ABLIM1: variants seen among roughly 807,000 people sequenced by gnomAD.
ABLIM1 encodes actin-binding LIM protein 1.
A neutral mutation model predicts 107.0 loss-of-function variants in ABLIM1; 40 were observed. That is an observed-to-expected ratio of 0.37 (90% CI 0.29 to 0.49). The LOEUF is 0.49. Ranked by LOEUF, ABLIM1 falls within the 20% of genes least tolerant of loss-of-function variation. ABLIM1 has a pLI of 0.97. For synonymous variants in ABLIM1, 357 were observed against 357.3 expected (o/e 1.00, Z 0.01); for missense variants, 857 against 1,008.5 (o/e 0.85, Z 2.04).
intron 1 of ABLIM1, among the ~76,000 whole-genome samples, chr10:114,766,776 A>G (rs2082904629): frequency 6.6e-6 from 1 of 152,234 alleles, no homozygotes; most frequent in Admixed American, 6.5e-5. Context: ...GTCTAAGAAC[A>G]TAGTTCAGAG....
chr10:114,780,729 C>T, the ABLIM1 span, among the ~76,000 whole-genome samples: 2 of 152,304 alleles, frequency 1.3e-5, no homozygotes, highest in South Asian at 4.1e-4. Flanking sequence ...TTTTCCTTCA[C>T]AGGTCAAAGC....
chr10:114,524,051 A>T (rs1490592644), intron 6 of ABLIM1, among the ~76,000 whole-genome samples: 2 of 152,250 alleles, frequency 1.3e-5, no homozygotes, highest in Non-Finnish European at 2.9e-5. Flanking sequence ...CTCTGATAAC[A>T]TTATGGGCCA....
intron 4 of ABLIM1, 75 bp from the exon 5 acceptor site, chr10:114,547,851 C>CT: frequency 6.4e-6 from 10 of 1,550,810 alleles, no homozygotes; most frequent in African/African-American, 1.4e-5. Context: ...AATTTCAACC[C>CT]CACTGTGTGC....
intron 4 of ABLIM1, among the ~76,000 whole-genome samples, chr10:114,565,729 T>C (rs1433989984): frequency 6.6e-6 from 1 of 150,904 alleles, no homozygotes; most frequent in Non-Finnish European, 1.5e-5. Flanking sequence ...AGTAAAATAA[T>C]TGGAAATGTC....
chr10:114,744,001 A>G (rs1358710142), intron 1 of ABLIM1, among the ~76,000 whole-genome samples: 2 of 152,232 alleles, frequency 1.3e-5, no homozygotes, highest in African/African-American at 2.4e-5. Context: ...ATGAACCACC[A>G]GGAATGCAGC....
intron 4 of ABLIM1, among the ~76,000 whole-genome samples, chr10:114,560,913 G>A (rs2069603531): frequency 6.6e-6 from 1 of 152,158 alleles, no homozygotes; most frequent in Non-Finnish European, 1.5e-5. Flanking sequence ...AATGGGTACA[G>A]GAATTTTCTT....
In ABLIM1 at chr10:114,458,294, T is replaced by C. The variant is rs1034219999; in HGVS notation, c.1442-4811A>G. ...TTTCTTGGCCTTCATTTTTACCTCCTTTCCTGTTAGCCTAGTAAGCTAATT... is the reference window on the plus strand; with the variant it reads ...TTTCTTGGCCTTCATTTTTACCTCCCTTCCTGTTAGCCTAGTAAGCTAATT... On this transcript the variant is annotated intron_variant, in intron 12 of 22. Transcript: ENST00000533213. Among the ~76,000 whole-genome samples the C allele has an allele frequency of 3.3e-5, 5 of 152,248 alleles. No homozygotes were observed. The East Asian group carries it at 9.6e-4, about 29-fold the overall frequency.
chr10:114,661,074 G>T (rs2079775860), upstream of ABLIM1, among the ~76,000 whole-genome samples: 2 of 151,922 alleles, frequency 1.3e-5, no homozygotes, highest in Non-Finnish European at 2.9e-5. Flanking sequence ...CATATATTTA[G>T]TTCAAGATGC....
chr10:114,452,145 A>T (rs922478918), intron 13 of ABLIM1, among the ~76,000 whole-genome samples: 22 of 152,016 alleles, frequency 1.4e-4, no homozygotes, highest in South Asian at 1.0e-3. Context: ...AAGTTTTTTT[A>T]AAAAAAACAG....
At chr10:114,557,671 G>GTTTTGTTTTTTTTTTTTTTTTTTT (rs1555173409) in intron 4 of ABLIM1, among the ~76,000 whole-genome samples, 1 of 72,484 alleles carries the variant, frequency 1.4e-5, no homozygotes, top group Non-Finnish European at 2.4e-5. Context: ...ATAGTGAGGT[G>GTTTTGTTTTTTTTTTTTTTTTTTT]TTTTTTTTTT....
intron 14 of ABLIM1, among the ~76,000 whole-genome samples, chr10:114,448,749 G>C (rs2061428220): frequency 6.6e-6 from 1 of 152,080 alleles, no homozygotes; most frequent in Non-Finnish European, 1.5e-5. Flanking sequence ...AAGTAGGTGG[G>C]ATTAAAGGCA....
upstream of ABLIM1, among the ~76,000 whole-genome samples, chr10:114,660,134 A>T (rs1015866004): frequency 6.6e-6 from 1 of 152,176 alleles, no homozygotes; most frequent in Non-Finnish European, 1.5e-5. Context: ...CACACCTCAA[A>T]ATTTCTGCTC....
intron 1 of ABLIM1, among the ~76,000 whole-genome samples, chr10:114,682,510 GC>G (rs2080790476): frequency 1.3e-5 from 2 of 152,078 alleles, no homozygotes; most frequent in Admixed American, 1.3e-4. Flanking sequence ...TAAAAGTATT[GC>G]CCATATTCCC....
At chr10:114,445,247 T>C (rs2060837131) in intron 16 of ABLIM1, 65 bp downstream of exon 16, 2 of 1,441,996 alleles carry the variant, frequency 1.4e-6, no homozygotes, top group Non-Finnish European at 2.0e-6. Context: ...ATAGTAGTCA[T>C]TCAAAAAATA....
At chr10:114,519,800 G>A (rs1035875924) in intron 6 of ABLIM1, among the ~76,000 whole-genome samples, 1 of 152,156 alleles carries the variant, frequency 6.6e-6, no homozygotes, top group Non-Finnish European at 1.5e-5. Flanking sequence ...AGTGCTGAGG[G>A]CCTTTTGAGT....
At chr10:114,578,629 C>T (rs2072941664) in intron 2 of ABLIM1, among the ~76,000 whole-genome samples, 2 of 151,838 alleles carry the variant, frequency 1.3e-5, no homozygotes, top group South Asian at 4.1e-4. Context: ...TGGTGTTGAA[C>T]TCGTAACCTC....
chr10:114,511,680 C>T (rs1189076722), intron 6 of ABLIM1, among the ~76,000 whole-genome samples: 1 of 151,922 alleles, frequency 6.6e-6, no homozygotes, highest in Non-Finnish European at 1.5e-5. Flanking sequence ...TCATGTCTTT[C>T]TAGAAAAGTC....
At chr10:114,737,482 C>G (rs564084870) in intron 1 of ABLIM1, among the ~76,000 whole-genome samples, 5 of 152,248 alleles carry the variant, frequency 3.3e-5, no homozygotes, top group African/African-American at 1.2e-4. Flanking sequence ...ATTCCAAATC[C>G]CTCCCAACCT....
At chr10:114,615,606 T>C (rs773637130) in intron 1 of ABLIM1, 12 of 460,436 alleles carry the variant, frequency 2.6e-5, no homozygotes, top group Non-Finnish European at 4.0e-5. Flanking sequence ...GCCAGCACTC[T>C]ATAAATGCAT....
Sources: gnomAD v4.1 joint callset for allele counts (sites outside exome capture counted in the v4.1 genomes callset) on GRCh38, gnomAD v4.1.1 for gene constraint, MANE v1.5 for transcripts, NCBI Gene and HGNC (gene_info 2026-07-23, HGNC 2026-07-21) for gene names.